The following ZNF560 variants were observed in gnomAD, a reference collection of about 807,000 sequenced individuals.
ZNF560 encodes the protein zinc finger protein 560.
ZNF560 carries 54 observed loss-of-function variants against 81.8 expected under a neutral mutation model. The observed-to-expected ratio is 0.66, with a 90% CI of 0.53 to 0.83. The LOEUF is 0.83. Among genes scored for constraint, ZNF560 ranks in the 40% least tolerant of loss-of-function variants. The pLI is 0.00. For missense variants in ZNF560, 940 were observed against 932.4 expected, an observed-to-expected ratio of 1.01 and a Z score of -0.11; for synonymous variants, 321 against 317.9, an observed-to-expected ratio of 1.01 and a Z score of -0.10.
chr19:9,487,615 A>G (rs964121972), intron 2 of ZNF560, among the ~76,000 whole-genome samples: 2 of 152,172 alleles, frequency 1.3e-5, no homozygotes, highest in Non-Finnish European at 2.9e-5. Flanking sequence ...GCATGTAGGG[A>G]GCTAAGAGAG....
chr19:9,467,132 A>G lies in ZNF560; in HGVS notation c.1815T>C (p.Cys605=). 1 of 1,613,944 alleles carries G rather than the reference A, an allele frequency of 6.2e-7. No homozygotes were observed. The highest frequency in any genetic ancestry group is 1.1e-5 in the South Asian group (1 of 91,066). Residue 605 remains cysteine, a synonymous_variant, in exon 10 of 10, where the codon TGT becomes TGC. Coordinates refer to ENST00000301480, the MANE Select transcript of ZNF560 (RefSeq NM_152476.3). ...CTGAGCGTTCTGTGAAGGCTTTTCCACATTTCTTACATTCATATGGCTTCT... is the reference window on the plus strand; with the variant it reads ...CTGAGCGTTCTGTGAAGGCTTTTCCGCATTTCTTACATTCATATGGCTTCT... ...SGEKPYECKK[C]GKAFTERSDL...
intron 2 of ZNF560, among the ~76,000 whole-genome samples, chr19:9,477,220 C>G (rs914609990): frequency 6.6e-6 from 1 of 151,882 alleles, no homozygotes; most frequent in African/African-American, 2.4e-5. Context: ...TACATATATA[C>G]ATATATATAT....
chr19:9,488,191 A>T (rs1212602185), intron 2 of ZNF560, among the ~76,000 whole-genome samples: 1 of 152,178 alleles, frequency 6.6e-6, no homozygotes, highest in Non-Finnish European at 1.5e-5. Flanking sequence ...CTTTTGCACA[A>T]GCCTGCTTCC....
chr19:9,479,976 G>A (rs866481113), intron 2 of ZNF560, among the ~76,000 whole-genome samples: 2 of 152,066 alleles, frequency 1.3e-5, no homozygotes, highest in South Asian at 4.1e-4. Context: ...AACATATAAA[G>A]CAAATTAATA....
chr19:9,478,435 A>G (rs933822148), intron 2 of ZNF560, among the ~76,000 whole-genome samples: 10 of 152,012 alleles, frequency 6.6e-5, no homozygotes, highest in Non-Finnish European at 1.5e-4. Context: ...AAAGGACACT[A>G]ATTAGTAACA....
chr19:9,478,728 A>G (rs1026286017), intron 2 of ZNF560, among the ~76,000 whole-genome samples: 7 of 152,220 alleles, frequency 4.6e-5, no homozygotes, highest in African/African-American at 1.7e-4. Context: ...GATGTTTCAT[A>G]TAAGTCTTAT....
At chr19:9,450,588 CT>C in the ZNF560 span, among the ~76,000 whole-genome samples, 1 of 152,214 alleles carries the variant, frequency 6.6e-6, no homozygotes, top group African/African-American at 2.4e-5. Flanking sequence ...TACAGTCTCG[CT>C]GTTGCCCAGG....
chr19:9,458,481 G>T, the ZNF560 span, among the ~76,000 whole-genome samples: 1 of 152,196 alleles, frequency 6.6e-6, no homozygotes, highest in Admixed American at 6.5e-5. Context: ...CTTTTAATAT[G>T]CCTATTAATA....
chr19:9,467,467 C>G lies in ZNF560; in HGVS notation c.1480G>C (p.Gly494Arg), dbSNP rs1436439678. ...GQKRFDCDQCGKVFVSFSSLF... is the reference protein window; with the variant it reads ...GQKRFDCDQCRKVFVSFSSLF... ...GATGAGAAAGAAACAAAGACTTTCC[C>G]ACACTGGTCACAATCAAAGCGTTTC... is the stretch of plus-strand genomic sequence containing the variant. The change falls in exon 10 of 10, where the codon GGG becomes CGG. Residue 494 changes from glycine (G) to arginine (R), a missense_variant. Physicochemically the swap from Gly to Arg is moderately radical, Grantham distance 125. Transcript: ENST00000301480. The G allele has an allele frequency of 6.2e-7, 1 of 1,614,078 alleles. No homozygotes were observed. Among genetic ancestry groups the G allele is most frequent in the South Asian group, 1.1e-5 (1 of 91,070 alleles).
chr19:9,472,703 G>A (rs568980381), intron 5 of ZNF560, among the ~76,000 whole-genome samples: 1 of 152,150 alleles, frequency 6.6e-6, no homozygotes, highest in African/African-American at 2.4e-5. Context: ...GTAGAGTTAT[G>A]GTAGAGTTGT....
In ZNF560 at chr19:9,475,641, C is replaced by G. The variant is rs1420139588; in HGVS notation, c.-56-272G>C. ...TTTTTTTTGGAGATGGAGTTTCACTCTGTTGCCCAGGCTGGAGTGCAGTGG... is the reference window on the plus strand; with the variant it reads ...TTTTTTTTGGAGATGGAGTTTCACTGTGTTGCCCAGGCTGGAGTGCAGTGG... On this transcript the variant is annotated intron_variant, in intron 2 of 9. Transcript: ENST00000301480. Among the ~76,000 whole-genome samples the G allele has an allele frequency of 2.0e-5, 3 of 147,860 alleles. No individual in the cohort carries two copies. The East Asian group carries it at 5.9e-4, about 29-fold the overall frequency.
the ZNF560 span, among the ~76,000 whole-genome samples, chr19:9,450,539 A>C: frequency 6.6e-6 from 1 of 152,124 alleles, no homozygotes. Flanking sequence ...CAATGTATAA[A>C]AATCAGCATT....
chr19:9,482,820 G>A (rs12975453), intron 2 of ZNF560, among the ~76,000 whole-genome samples: 67,140 of 151,008 alleles, frequency 0.44, 15,944 homozygotes, highest in Non-Finnish European at 0.54. Flanking sequence ...GCGCCACCAT[G>A]CCTGACTGGT....
At chr19:9,495,552 C>T (rs2073544384) in intron 2 of ZNF560, among the ~76,000 whole-genome samples, 1 of 151,984 alleles carries the variant, frequency 6.6e-6, no homozygotes, top group South Asian at 2.1e-4. Flanking sequence ...CAAAAAAATA[C>T]CAAAATTAGC....
At chr19:9,477,491 T>C (rs2073220964) in intron 2 of ZNF560, among the ~76,000 whole-genome samples, 1 of 152,188 alleles carries the variant, frequency 6.6e-6, no homozygotes, top group African/African-American at 2.4e-5. Context: ...AGAACAAGAA[T>C]GTCATCCTTT....
At chr19:9,471,416 T>C in intron 5 of ZNF560, 38 bp from the exon 6 acceptor site, 1 of 1,279,604 alleles carries the variant, frequency 7.8e-7, no homozygotes, top group Non-Finnish European at 1.1e-6. Context: ...TTTTTTTTTT[T>C]AAAAAAAAAG....
chr19:9,490,475 C>T (rs556670445), intron 2 of ZNF560, among the ~76,000 whole-genome samples: 3 of 152,234 alleles, frequency 2.0e-5, no homozygotes, highest in South Asian at 2.1e-4. Flanking sequence ...GATCACATTT[C>T]GTCACTAGCA....
At chr19:9,502,930 A>T (rs2073643483), upstream of ZNF560, among the ~76,000 whole-genome samples, 1 of 152,048 alleles carries the variant, frequency 6.6e-6, no homozygotes, top group Non-Finnish European at 1.5e-5. Context: ...CATTGAATAG[A>T]TTCTTATCTA....
intron 2 of ZNF560, among the ~76,000 whole-genome samples, chr19:9,483,326 G>A (rs1370880933): frequency 6.6e-6 from 1 of 151,686 alleles, no homozygotes; most frequent in African/African-American, 2.4e-5. Context: ...CCCCATCTGG[G>A]AGGTGAGGAG....
Sources: allele counts gnomAD v4.1 joint callset (sites outside exome capture counted in the v4.1 genomes callset), GRCh38; gene constraint gnomAD v4.1.1; transcripts MANE v1.5; gene names NCBI Gene and HGNC (gene_info 2026-07-23, HGNC 2026-07-21).